Variants in CDKN2B observed in about 807,000 individuals in gnomAD.
CDKN2B encodes the protein cyclin dependent kinase inhibitor 2B.
CDKN2B carries 8 observed loss-of-function variants against 7.7 expected under a neutral mutation model. The observed-to-expected ratio is 1.04, with a 90% CI of 0.61 to 1.87. The LOEUF (loss-of-function observed/expected upper bound fraction) is 1.87, where lower values mean the gene tolerates loss of function less well. Ranked by LOEUF, CDKN2B falls within the 40% of genes most tolerant of loss-of-function variation. The pLI, the probability that CDKN2B is intolerant of heterozygous loss-of-function variation, is 0.00. For synonymous variants in CDKN2B, 93 were observed against 95.8 expected (o/e 0.97, Z 0.17); for missense variants, 244 against 213.1 (o/e 1.15, Z -0.90).
rs1045628184 is a variant in CDKN2B at position 22,003,356 on chromosome 9, C to T, written c.*2631G>A. On this transcript the variant is annotated 3_prime_UTR_variant, in exon 2 of 2. Coordinates refer to ENST00000276925, the MANE Select transcript of CDKN2B (RefSeq NM_004936.4). ...TCCACAATAACATTTTCTTTAGTTT[C>T]CCTTAATATCAGGTTGTCATTAGGA... 1.8e-5 allele frequency: 4 copies of T among 224,118 alleles called. No homozygotes were observed. Among genetic ancestry groups the T allele is most frequent in the Non-Finnish European group, 3.6e-5 (4 of 112,644 alleles). 13.9% of individuals were successfully genotyped at this position (224,118 alleles called of 1,614,324 possible). A position where few individuals can be genotyped will look rare whatever the true frequency, so the allele number is the denominator to read the frequency against.
Position 22,009,254 on chromosome 9 carries a change from G to A in CDKN2B, c.-301C>T. The A allele has an allele frequency of 1.9e-6, 1 of 537,704 alleles. No homozygotes were observed. The highest frequency in any genetic ancestry group is 2.1e-5 in the South Asian group (1 of 48,110). 33.3% of individuals were successfully genotyped at this position (537,704 alleles called of 1,614,324 possible). On this transcript the variant is annotated 5_prime_UTR_variant, in exon 1 of 2. Coordinates refer to ENST00000276925, the MANE Select transcript of CDKN2B (RefSeq NM_004936.4). ...CGAGCTCAAAGCCGCTCTGGCCGCA[G>A]GGTGCGGACGCGTCGCGGAGTCCTC...
chr9:22,005,340 A>G lies in CDKN2B; in HGVS notation c.*647T>C, dbSNP rs2131178056. 1 of 240,850 alleles carries G rather than the reference A, an allele frequency of 4.2e-6. No homozygotes were observed. Among genetic ancestry groups the G allele is most frequent in the East Asian group, 5.9e-5 (1 of 16,828 alleles). 14.9% of individuals were successfully genotyped at this position (240,850 alleles called of 1,614,324 possible). A position where few individuals can be genotyped will look rare whatever the true frequency, so the allele number is the denominator to read the frequency against. ...TGTCGTCGCTTGCACATCCTCTCTT[A>G]CCCCTCTGCTATCTGGTGGAGTTGG... is the stretch of plus-strand genomic sequence containing the variant. On this transcript the variant is annotated 3_prime_UTR_variant, in exon 2 of 2. Coordinates refer to ENST00000276925, the MANE Select transcript of CDKN2B (RefSeq NM_004936.4). This position sits in a 1 kb window ranked among gnomAD's most constrained non-coding sequence, Gnocchi z 4.9.
intron 1 of CDKN2B, among the ~76,000 whole-genome samples, chr9:22,007,415 G>C (rs1308342439): frequency 6.6e-6 from 1 of 152,102 alleles, no homozygotes; most frequent in Non-Finnish European, 1.5e-5. Flanking sequence ...CAGTCAATCA[G>C]GATGATGCAT....
Position 22,003,313 on chromosome 9 carries a change from T to A in CDKN2B, c.*2674A>T. 4.5e-6 allele frequency: 1 copy of A among 221,562 alleles called. No individual in the cohort carries two copies. The highest frequency in any genetic ancestry group is 2.2e-5 in the African/African-American group (1 of 44,910). The allele number at this position is 221,562 out of a possible 1,614,324, so 13.7% of individuals were successfully genotyped here. A position where few individuals can be genotyped will look rare whatever the true frequency, so the allele number is the denominator to read the frequency against. ...AACAAAACAAACAAAAAAAACAGTG[T>A]AATATAGTACTGTGGGATCCACAAT... On this transcript the variant is annotated 3_prime_UTR_variant, in exon 2 of 2. Coordinates refer to ENST00000276925, the MANE Select transcript of CDKN2B (RefSeq NM_004936.4).
At chr9:22,007,469 C>A (rs1204616773) in intron 1 of CDKN2B, among the ~76,000 whole-genome samples, 4 of 152,086 alleles carry the variant, frequency 2.6e-5, no homozygotes, top group African/African-American at 9.7e-5. Context: ...CCTGTAGCAG[C>A]CATTTGTGTA....
In CDKN2B at chr9:22,003,714, T is replaced by G. The variant is rs1821032666; in HGVS notation, c.*2273A>C. On this transcript the variant is annotated 3_prime_UTR_variant, in exon 2 of 2. Transcript: ENST00000276925. ...CAGTTTGAAAATGGAGGTTCCATTA[T>G]CTTTGTTCCAAAAATTTGGGTTTTT... 4.3e-6 allele frequency: 1 copy of G among 231,842 alleles called. No individual in the cohort carries two copies. The highest frequency in any genetic ancestry group is 2.2e-5 in the African/African-American group (1 of 45,296). 14.4% of individuals were successfully genotyped at this position (231,842 alleles called of 1,614,324 possible). A position where few individuals can be genotyped will look rare whatever the true frequency, so the allele number is the denominator to read the frequency against.
Position 22,004,962 on chromosome 9 carries a change from T to C in CDKN2B, c.*1025A>G. ...CAGTGCCATTGCTACATTTAAGAGC[T>C]GTAGTTCTTCCTCACATTTTAACTG... On this transcript the variant is annotated 3_prime_UTR_variant, in exon 2 of 2. Coordinates refer to ENST00000276925, the MANE Select transcript of CDKN2B (RefSeq NM_004936.4). 2 of 233,356 alleles carry C rather than the reference T, an allele frequency of 8.6e-6. No individual in the cohort carries two copies. Among genetic ancestry groups the C allele is most frequent in the Non-Finnish European group, 8.5e-6 (1 of 118,068 alleles). The allele number at this position is 233,356 out of a possible 1,614,324, so 14.5% of individuals were successfully genotyped here. A position where few individuals can be genotyped will look rare whatever the true frequency, so the allele number is the denominator to read the frequency against.
rs1554661625 is a variant in CDKN2B, at chr9:22,005,112, A to ATGTGTGTGTGTGTGTGTGTGTATG, written c.*874_*875insCATACACACACACACACACACACA. 2 of 222,400 alleles carry ATGTGTGTGTGTGTGTGTGTGTATG rather than the reference A, an allele frequency of 9.0e-6. No individual in the cohort carries two copies. Among genetic ancestry groups the ATGTGTGTGTGTGTGTGTGTGTATG allele is most frequent in the Admixed American group, 5.9e-5 (1 of 17,028 alleles). The allele number at this position is 222,400 out of a possible 1,614,324, so 13.8% of individuals were successfully genotyped here. On this transcript the variant is annotated 3_prime_UTR_variant, in exon 2 of 2. Transcript: ENST00000276925. This position sits in a 1 kb window ranked among gnomAD's most constrained non-coding sequence, Gnocchi z 4.9. ...CATAAGGGGATTTCCGCATCCTAGCATGTGTGTGTGTGTGTGTGTGTGTGT... is the reference window on the plus strand; with the variant it reads ...CATAAGGGGATTTCCGCATCCTAGCATGTGTGTGTGTGTGTGTGTGTATGTGTGTGTGTGTGTGTGTGTGTGTGT...
In CDKN2B at chr9:22,003,645, G is replaced by A. The variant is rs573310907; in HGVS notation, c.*2342C>T. On this transcript the variant is annotated 3_prime_UTR_variant, in exon 2 of 2. Transcript: ENST00000276925. ...TATTCTTGTAGCCTCTAATGATTGA[G>A]TGCTTAAGTGATAACTAGAAATATA... 1 of 230,230 alleles carries A rather than the reference G, an allele frequency of 4.3e-6. No homozygotes were observed. The highest frequency in any genetic ancestry group is 1.8e-4 in the South Asian group (1 of 5,504). The allele number at this position is 230,230 out of a possible 1,614,324, so 14.3% of individuals were successfully genotyped here.
At position 22,006,296 on chromosome 9, in the gene CDKN2B, G is replaced by A. The variant is rs1476843085; in HGVS notation, c.157-49C>T. 4 of 1,598,428 alleles carry A rather than the reference G, an allele frequency of 2.5e-6. No individual in the cohort carries two copies. Among genetic ancestry groups the A allele is most frequent in the Admixed American group, 1.7e-5 (1 of 59,918 alleles). The stretch of plus-strand genomic sequence containing the variant: ...AGAGCCAGGGTGGGGGCAGGTATGG[G>A]AGATGCCGGCCGGGGCAAGGCAGGT... On this transcript the variant is annotated intron_variant, in intron 1 of 1. Transcript: ENST00000276925. The surrounding 1 kb of genome is among the most constrained non-coding windows in gnomAD (Gnocchi z 6.4).
In CDKN2B at chr9:22,004,626, A is replaced by T. The variant is rs577566745; in HGVS notation, c.*1361T>A. On this transcript the variant is annotated 3_prime_UTR_variant, in exon 2 of 2. Coordinates refer to ENST00000276925, the MANE Select transcript of CDKN2B (RefSeq NM_004936.4). The stretch of plus-strand genomic sequence containing the variant: ...TATCAGTTGTTCCAATGATATAATG[A>T]TCAAGCAACCCTGGAAATTAAATCC... 4.3e-6 allele frequency: 1 copy of T among 232,602 alleles called. No homozygotes were observed. The highest frequency in any genetic ancestry group is 6.1e-5 in the East Asian group (1 of 16,410). The allele number at this position is 232,602 out of a possible 1,614,324, so 14.4% of individuals were successfully genotyped here. A position where few individuals can be genotyped will look rare whatever the true frequency, so the allele number is the denominator to read the frequency against.
In CDKN2B at chr9:22,003,264, G is replaced by A. The variant is rs1283938672; in HGVS notation, c.*2723C>T. On this transcript the variant is annotated 3_prime_UTR_variant, in exon 2 of 2. Transcript: ENST00000276925. ...GTAATTGATACCCAATAATGTTTGA[G>A]GTTTGCTTTAAATAAAAAAAACTAA... 1 of 217,026 alleles carries A rather than the reference G, an allele frequency of 4.6e-6. No individual in the cohort carries two copies. Among genetic ancestry groups the A allele is most frequent in the African/African-American group, 2.2e-5 (1 of 44,448 alleles). 13.4% of individuals were successfully genotyped at this position (217,026 alleles called of 1,614,324 possible).
chr9:22,006,294 G>A lies in CDKN2B; in HGVS notation c.157-47C>T. ...TCAGAGCCAGGGTGGGGGCAGGTAT[G>A]GGAGATGCCGGCCGGGGCAAGGCAG... On this transcript the variant is annotated intron_variant, in intron 1 of 1. Transcript: ENST00000276925. This position sits in a 1 kb window ranked among gnomAD's most constrained non-coding sequence, Gnocchi z 6.4. 1.9e-6 allele frequency: 3 copies of A among 1,598,432 alleles called. No individual in the cohort carries two copies. Among genetic ancestry groups the A allele is most frequent in the Non-Finnish European group, 2.5e-6 (3 of 1,179,376 alleles).
rs1260845290 is a variant in CDKN2B at position 22,004,603 on chromosome 9, T to G, written c.*1384A>C. 8.6e-6 allele frequency: 2 copies of G among 232,478 alleles called. No individual in the cohort carries two copies. Among genetic ancestry groups the G allele is most frequent in the African/African-American group, 4.4e-5 (2 of 45,284 alleles). 14.4% of individuals were successfully genotyped at this position (232,478 alleles called of 1,614,324 possible). A position where few individuals can be genotyped will look rare whatever the true frequency, so the allele number is the denominator to read the frequency against. ...AATTCTTTATTAAAGTAGTGAAGTA[T>G]CAGTTGTTCCAATGATATAATGATC... On this transcript the variant is annotated 3_prime_UTR_variant, in exon 2 of 2. Coordinates refer to ENST00000276925, the MANE Select transcript of CDKN2B (RefSeq NM_004936.4).
chr9:22,009,165 C>A lies in CDKN2B; in HGVS notation c.-212G>T. The A allele has an allele frequency of 1.5e-6, 1 of 672,280 alleles. No homozygotes were observed. Among genetic ancestry groups the A allele is most frequent in the Non-Finnish European group, 2.6e-6 (1 of 391,538 alleles). 41.6% of individuals were successfully genotyped at this position (672,280 alleles called of 1,614,324 possible). ...GTCGTTAGCTCCGGGCTTTTCCTGG[C>A]GCTCAAGAACCAGCGGGCGCGCCTG... On this transcript the variant is annotated 5_prime_UTR_variant, in exon 1 of 2. Transcript: ENST00000276925.
At position 22,008,807 on chromosome 9, in the gene CDKN2B, G is replaced by T. The variant is rs772483505; in HGVS notation, c.147C>A (p.Arg49=). The T allele has an allele frequency of 1.2e-6, 2 of 1,604,794 alleles. No individual in the cohort carries two copies. Among genetic ancestry groups the T allele is most frequent in the East Asian group, 2.2e-5 (1 of 44,632 alleles). The change falls in exon 1 of 2, where the codon CGC becomes CGA. Residue 49 remains arginine, a synonymous_variant. Coordinates refer to ENST00000276925, the MANE Select transcript of CDKN2B (RefSeq NM_004936.4). ...DPNGVNRFGR[R]AIQVMMMGSA... ...CTGGGGCCCCAGCTACCTGGATCGC[G>T]CGCCTCCCGAAACGGTTGACTCCGT...
Position 22,003,478 on chromosome 9 carries a change from A to G in CDKN2B, c.*2509T>C, listed in dbSNP as rs1821018300. ...ATGACCCAGTATAATGCAACTAGCAAATTTAAACATCTTGGAATTTAAGAT... is the reference window on the plus strand; with the variant it reads ...ATGACCCAGTATAATGCAACTAGCAGATTTAAACATCTTGGAATTTAAGAT... On this transcript the variant is annotated 3_prime_UTR_variant, in exon 2 of 2. Coordinates refer to ENST00000276925, the MANE Select transcript of CDKN2B (RefSeq NM_004936.4). The G allele has an allele frequency of 2.6e-5, 6 of 228,534 alleles. No homozygotes were observed. The East Asian group carries it at 3.8e-4, about 15-fold the overall frequency. The allele number at this position is 228,534 out of a possible 1,614,324, so 14.2% of individuals were successfully genotyped here. A position where few individuals can be genotyped will look rare whatever the true frequency, so the allele number is the denominator to read the frequency against.
rs1422056160 is a variant in CDKN2B at position 22,003,656 on chromosome 9, A to G, written c.*2331T>C. On this transcript the variant is annotated 3_prime_UTR_variant, in exon 2 of 2. Transcript: ENST00000276925. ...CCTCTAATGATTGAGTGCTTAAGTG[A>G]TAACTAGAAATATATTTTCTGTCCC... 1.7e-5 allele frequency: 4 copies of G among 230,512 alleles called. No homozygotes were observed. The highest frequency in any genetic ancestry group is 5.6e-5 in the Admixed American group (1 of 17,706). The allele number at this position is 230,512 out of a possible 1,614,324, so 14.3% of individuals were successfully genotyped here.
rs770648244 is a variant in CDKN2B at position 22,008,818 on chromosome 9, A to C, written c.136T>G (p.Phe46Val). 8.7e-6 allele frequency: 14 copies of C among 1,606,654 alleles called. No homozygotes were observed. Among genetic ancestry groups the C allele is most frequent in the Non-Finnish European group, 8.5e-7 (1 of 1,176,634 alleles). Residue 46 changes from phenylalanine (F) to valine (V), a missense_variant, in exon 1 of 2, where the codon TTC becomes GTC. Transcript: ENST00000276925. Reference sequence around the variant, plus strand: ...GCTACCTGGATCGCGCGCCTCCCGAAACGGTTGACTCCGTTGGGATCCGCG... The same window carrying C: ...GCTACCTGGATCGCGCGCCTCCCGACACGGTTGACTCCGTTGGGATCCGCG... ...AGADPNGVNRFGRRAIQVMMM... is the reference protein window; with the variant it reads ...AGADPNGVNRVGRRAIQVMMM...
Sources: allele counts gnomAD v4.1 joint callset (sites outside exome capture counted in the v4.1 genomes callset), GRCh38; gene constraint gnomAD v4.1.1; non-coding constraint Gnocchi (gnomAD v3.1); transcripts MANE v1.5; gene names NCBI Gene and HGNC (gene_info 2026-07-23, HGNC 2026-07-21).